The following MMUT variants were observed in gnomAD, a reference collection of about 807,000 sequenced individuals.
MMUT encodes the protein methylmalonyl-CoA mutase, mitochondrial.
In MMUT, 79 loss-of-function variants were observed where a neutral mutation model predicts 79.9. The observed-to-expected ratio is 0.99, with a 90% confidence interval of 0.82 to 1.19. The LOEUF (loss-of-function observed/expected upper bound fraction) is 1.19, where lower values mean the gene tolerates loss of function less well. MMUT is among the 50% of genes most tolerant of loss of function. The pLI, the probability that MMUT is intolerant of heterozygous loss-of-function variation, is 0.00. For synonymous variants in MMUT, 273 were observed against 295.7 expected, an observed-to-expected ratio of 0.92 and a Z score of 0.79; for missense variants, 860 against 917.2, an observed-to-expected ratio of 0.94 and a Z score of 0.81.
Position 49,458,115 on chromosome 6 carries a change from G to A in MMUT, c.386-57C>T, listed in dbSNP as rs138426975. 1.8e-5 allele frequency: 28 copies of A among 1,547,300 alleles called. No individual in the cohort carries two copies. The East Asian group carries it at 6.2e-4, about 34-fold the overall frequency. ...CAAGAGTCTGGAATCAAGGTAAAAT[G>A]ATTTACTTTTAACACTACTAAAAAT... is the stretch of plus-strand genomic sequence containing the variant. On this transcript the variant is annotated intron_variant, in intron 2 of 12. Coordinates refer to ENST00000274813, the MANE Select transcript of MMUT (RefSeq NM_000255.4).
chr6:49,438,189 T>A lies in MMUT; in HGVS notation c.1956+2017A>T, dbSNP rs145343133. Among the ~76,000 whole-genome samples the A allele has an allele frequency of 4.3e-3, 653 of 152,280 alleles. 7 individuals are homozygous for A. Among genetic ancestry groups the A allele is most frequent in the African/African-American group, 0.015 (609 of 41,560 alleles). On this transcript the variant is annotated intron_variant, in intron 11 of 12. Transcript: ENST00000274813. ...ATACATATGTAGTAGAGAAGGCTTT[T>A]CATATAAAATTATTACAATGTACTT...
intron 11 of MMUT, among the ~76,000 whole-genome samples, chr6:49,437,388 A>G (rs541097750): frequency 2.0e-5 from 3 of 152,160 alleles, no homozygotes; most frequent in Non-Finnish European, 4.4e-5. Context: ...ACACAATTAT[A>G]CAGTATCACT....
intron 5 of MMUT, among the ~76,000 whole-genome samples, chr6:49,452,145 G>T (rs1425221298): frequency 1.4e-4 from 22 of 152,134 alleles, no homozygotes. Flanking sequence ...AATGAACTGA[G>T]ATATCAGAAA....
At position 49,443,141 on chromosome 6, in the gene MMUT, T is replaced by A. The variant is rs561154834; in HGVS notation, c.1677-1170A>T. Among the ~76,000 whole-genome samples, 14 of 152,260 alleles carry A rather than the reference T, an allele frequency of 9.2e-5. No individual in the cohort carries two copies. The East Asian group carries it at 2.7e-3, about 29-fold the overall frequency. On this transcript the variant is annotated intron_variant, in intron 9 of 12. Transcript: ENST00000274813. ...CATGGGTCACTTGCTTTTCTGCACATCCTGTGGAGCAAAGCACTGACACCT... is the reference window on the plus strand; with the variant it reads ...CATGGGTCACTTGCTTTTCTGCACAACCTGTGGAGCAAAGCACTGACACCT...
chr6:49,461,237 G>C (rs908090865), intron 1 of MMUT, among the ~76,000 whole-genome samples: 2 of 152,092 alleles, frequency 1.3e-5, no homozygotes, highest in Non-Finnish European at 2.9e-5. Flanking sequence ...GTCTTGATCT[G>C]ATTGCCACTT....
intron 9 of MMUT, among the ~76,000 whole-genome samples, chr6:49,443,518 G>A (rs1250407556): frequency 1.3e-5 from 2 of 151,960 alleles, no homozygotes; most frequent in South Asian, 2.1e-4. Context: ...CTGATCCAGG[G>A]ATCTCATATC....
In MMUT at chr6:49,435,599, C is replaced by T. The variant is rs1767102423; in HGVS notation, c.1981G>A (p.Ala661Thr). 9 of 1,613,802 alleles carry T rather than the reference C, an allele frequency of 5.6e-6. No homozygotes were observed. Among genetic ancestry groups the T allele is most frequent in the South Asian group, 1.1e-5 (1 of 91,042 alleles). The change falls in exon 12 of 13, where the codon GCT (alanine) becomes ACT (threonine). Residue 661 changes from alanine (A) to threonine (T), a missense_variant. Coordinates refer to ENST00000274813, the MANE Select transcript of MMUT (RefSeq NM_000255.4). Reference protein sequence around the residue: ...FQTPREVAQQAVDADVHAVGI... With the variant: ...FQTPREVAQQTVDADVHAVGI... The stretch of plus-strand genomic sequence containing the variant: ...ACAGCATGCACATCCGCATCCACAG[C>T]CTGCTGGGCCACTTCACGAGGAGTC...
At chr6:49,453,492 T>C (rs1767607861) in intron 5 of MMUT, 93 bp downstream of exon 5, 2 of 565,314 alleles carry the variant, frequency 3.5e-6, no homozygotes, top group Non-Finnish European at 5.7e-6. Flanking sequence ...ACAGATAGCT[T>C]CTTAATTCTA....
intron 5 of MMUT, among the ~76,000 whole-genome samples, chr6:49,453,199 G>A (rs574933394): frequency 2.9e-4 from 44 of 151,722 alleles, no homozygotes; most frequent in Admixed American, 1.6e-3. Flanking sequence ...GCACCACCAC[G>A]CCCAACTAAT....
chr6:49,462,305 G>C (rs555714106), intron 1 of MMUT, among the ~76,000 whole-genome samples: 1 of 152,260 alleles, frequency 6.6e-6, no homozygotes, highest in African/African-American at 2.4e-5. Context: ...AAGATTTCTT[G>C]AACCAATAAG....
chr6:49,459,880 A>G (rs1289318160), intron 1 of MMUT, among the ~76,000 whole-genome samples: 1 of 152,134 alleles, frequency 6.6e-6, no homozygotes, highest in Middle Eastern at 3.2e-3. Context: ...CTCCTAATTA[A>G]TTTTTTCATT....
chr6:49,439,800 C>T (rs898250987), intron 11 of MMUT, among the ~76,000 whole-genome samples: 1 of 152,172 alleles, frequency 6.6e-6, no homozygotes, highest in African/African-American at 2.4e-5. Context: ...ATTTCCCATC[C>T]TCTGGCATGC....
rs756225782 is a variant in MMUT at position 49,435,499 on chromosome 6, C to T, written c.2081G>A (p.Arg694Gln). ...TCCACACATGACAAGAATATCTGGCCGTCCAAGGGAGTTAAGTTCTTTGAT... is the reference window on the plus strand; with the variant it reads ...TCCACACATGACAAGAATATCTGGCTGTCCAAGGGAGTTAAGTTCTTTGAT... Reference protein sequence around the residue: ...ELIKELNSLGRPDILVMCGGV... With the variant: ...ELIKELNSLGQPDILVMCGGV... Residue 694 changes from arginine (R) to glutamine (Q), a missense_variant, in exon 12 of 13, where the codon CGG becomes CAG. Coordinates refer to ENST00000274813, the MANE Select transcript of MMUT (RefSeq NM_000255.4). 9.3e-6 allele frequency: 15 copies of T among 1,613,942 alleles called. No individual in the cohort carries two copies. Among genetic ancestry groups the T allele is most frequent in the Admixed American group, 8.3e-5 (5 of 59,976 alleles).
intron 12 of MMUT, among the ~76,000 whole-genome samples, chr6:49,435,248 G>A (rs1767091117): frequency 6.6e-6 from 1 of 152,214 alleles, no homozygotes. Flanking sequence ...GCTTTGTAAA[G>A]TGTTAAGTTA....
Position 49,456,139 on chromosome 6 carries a change from T to C in MMUT, c.852A>G (p.Gly284=). The C allele has an allele frequency of 1.2e-6, 2 of 1,613,298 alleles. No individual in the cohort carries two copies. The highest frequency in any genetic ancestry group is 1.7e-5 in the Admixed American group (1 of 60,002). ...GGAGTCCAGTTCTAGAGTACTCCAATCCATCTGCTAAAGTATAGGCCAGCT... is the reference window on the plus strand; with the variant it reads ...GGAGTCCAGTTCTAGAGTACTCCAACCCATCTGCTAAAGTATAGGCCAGCT... ...ILELAYTLAD[G]LEYSRTGLQA... The change falls in exon 4 of 13, where the codon GGA becomes GGG. Residue 284 remains glycine, a synonymous_variant. Transcript: ENST00000274813.
chr6:49,432,627 T>C (rs1033614299), intron 12 of MMUT, among the ~76,000 whole-genome samples: 1 of 152,204 alleles, frequency 6.6e-6, no homozygotes, highest in East Asian at 1.9e-4. Context: ...GACCTCGTGA[T>C]CCGCCCACCT....
At chr6:49,450,813 A>G (rs906061663) in intron 6 of MMUT, among the ~76,000 whole-genome samples, 1 of 152,256 alleles carries the variant, frequency 6.6e-6, no homozygotes, top group African/African-American at 2.4e-5. Context: ...AATTAAACAG[A>G]GGAGAAATGA....
chr6:49,455,108 G>C (rs1294814754), intron 4 of MMUT, among the ~76,000 whole-genome samples: 1 of 151,310 alleles, frequency 6.6e-6, no homozygotes. Flanking sequence ...CATTTCTTAT[G>C]AAAAATAAGT....
In MMUT at chr6:49,459,017, A is replaced by C. The variant is rs112933822; in HGVS notation, c.385+65T>G. ...ATCATCTTTACAGAGATTAACCCCCAAAAAATAAAAAACTAGGAGGCATAT... is the reference window on the plus strand; with the variant it reads ...ATCATCTTTACAGAGATTAACCCCCCAAAAATAAAAAACTAGGAGGCATAT... On this transcript the variant is annotated intron_variant, in intron 2 of 12. Transcript: ENST00000274813. The C allele has an allele frequency of 0.016, 24,400 of 1,513,294 alleles. 220 individuals are homozygous for C. The highest frequency in any genetic ancestry group is 0.021 in the African/African-American group (1,528 of 72,214). The allele number at this position is 1,513,294 out of a possible 1,614,324, so 93.7% of individuals were successfully genotyped here. A position where few individuals can be genotyped will look rare whatever the true frequency, so the allele number is the denominator to read the frequency against.
Sources: gnomAD v4.1 joint callset for allele counts (sites outside exome capture counted in the v4.1 genomes callset) on GRCh38, gnomAD v4.1.1 for gene constraint, MANE v1.5 for transcripts, NCBI Gene and HGNC (gene_info 2026-07-23, HGNC 2026-07-21) for gene names.